CSMD3: variants seen among roughly 807,000 people sequenced by gnomAD.
The protein encoded by CSMD3 is CUB and Sushi multiple domains 3.
In CSMD3, 177 loss-of-function variants were observed where a neutral mutation model predicts 435.2. The ratio of observed to expected loss-of-function variants is 0.41; its 90% CI spans 0.36 to 0.46. The LOEUF is 0.46. Among genes scored for constraint, CSMD3 ranks in the 20% least tolerant of loss-of-function variants. The pLI is 0.34. For missense variants in CSMD3, 4,265 were observed against 4,504.6 expected (o/e 0.95, Z 1.52); for synonymous variants, 1,656 against 1,520.5 (o/e 1.09, Z -2.07).
intron 65 of CSMD3, 59 bp from the exon 66 acceptor site, chr8:112,241,844 G>A (rs1007815): frequency 0.36 from 272,192 of 763,666 alleles, 53,383 homozygotes; most frequent in African/African-American, 0.72. Flanking sequence ...ATACACATGC[G>A]CACACACACA....
intron 32 of CSMD3, among the ~76,000 whole-genome samples, chr8:112,429,824 T>C (rs141296025): frequency 6.6e-6 from 1 of 152,148 alleles, no homozygotes; most frequent in South Asian, 2.1e-4. Context: ...CTGGAATAGA[T>C]CATCAGAAAT....
In CSMD3 at chr8:112,518,077, T is replaced by C. The variant is rs565141784; in HGVS notation, c.4565-852A>G. On this transcript the variant is annotated intron_variant, in intron 27 of 70. Transcript: ENST00000297405. ...ATCCATGCAATGGAATATTACTCAG[T>C]AATAAAAAAGAATGATTCATATATA... Among the ~76,000 whole-genome samples, 4 of 152,316 alleles carry C rather than the reference T, an allele frequency of 2.6e-5. No individual in the cohort carries two copies. The East Asian group carries it at 7.7e-4, about 29-fold the overall frequency.
chr8:113,347,189 G>C (rs182577253), intron 1 of CSMD3, among the ~76,000 whole-genome samples: 2 of 152,204 alleles, frequency 1.3e-5, no homozygotes, highest in Non-Finnish European at 2.9e-5. Context: ...CATCAATAAA[G>C]TAACAGAAAG....
intron 3 of CSMD3, among the ~76,000 whole-genome samples, chr8:113,218,032 T>C (rs116833083): frequency 0.012 from 1,765 of 151,318 alleles, 34 homozygotes; most frequent in African/African-American, 0.04. Flanking sequence ...TGAAGGTATA[T>C]ATATGTTTCA....
At chr8:112,722,577 G>A (rs988570872) in intron 13 of CSMD3, among the ~76,000 whole-genome samples, 5 of 149,612 alleles carry the variant, frequency 3.3e-5, no homozygotes, top group East Asian at 1.9e-4. Flanking sequence ...GTGCGTTAGC[G>A]TGTGTGTGTG....
chr8:112,313,285 C>A (rs556936957), intron 49 of CSMD3, among the ~76,000 whole-genome samples: 1 of 152,010 alleles, frequency 6.6e-6, no homozygotes, highest in Non-Finnish European at 1.5e-5. Flanking sequence ...AAAGCAGTAG[C>A]GACAAAACGC....
chr8:113,202,670 C>T (rs971954289), intron 3 of CSMD3, among the ~76,000 whole-genome samples: 5 of 152,078 alleles, frequency 3.3e-5, no homozygotes, highest in African/African-American at 1.2e-4. Flanking sequence ...GTTTTTCCAT[C>T]ATTCTTAGAA....
At chr8:112,825,996 C>A (rs186290255) in intron 12 of CSMD3, among the ~76,000 whole-genome samples, 8 of 152,282 alleles carry the variant, frequency 5.3e-5, no homozygotes, top group Non-Finnish European at 1.0e-4. Flanking sequence ...GGGACTCAAG[C>A]CCAGGGAGAT....
chr8:112,875,280 G>A (rs2081250098), intron 10 of CSMD3, among the ~76,000 whole-genome samples: 1 of 152,160 alleles, frequency 6.6e-6, no homozygotes, highest in South Asian at 2.1e-4. Context: ...TTTCTGCAGA[G>A]AGTTCCACCG....
chr8:112,885,176 G>A (rs1400051696), intron 10 of CSMD3, among the ~76,000 whole-genome samples: 2 of 151,640 alleles, frequency 1.3e-5, no homozygotes, highest in African/African-American at 4.8e-5. Flanking sequence ...TAAGCAATCA[G>A]TAAGTGTTTA....
At chr8:113,078,853 C>T (rs1161988511) in intron 5 of CSMD3, among the ~76,000 whole-genome samples, 1 of 152,216 alleles carries the variant, frequency 6.6e-6, no homozygotes, top group South Asian at 2.1e-4. Context: ...CACAAAATAC[C>T]TTCAAAGCTA....
At chr8:113,051,794 C>A (rs2088105365) in intron 5 of CSMD3, among the ~76,000 whole-genome samples, 1 of 152,144 alleles carries the variant, frequency 6.6e-6, no homozygotes, top group African/African-American at 2.4e-5. Flanking sequence ...TAAATGTATG[C>A]TGAATTGCAT....
intron 22 of CSMD3, among the ~76,000 whole-genome samples, chr8:112,619,060 G>A (rs1002632767): frequency 5.9e-5 from 9 of 152,026 alleles, no homozygotes; most frequent in African/African-American, 1.7e-4. Flanking sequence ...GGACTGTTAT[G>A]AGGATGACAT....
At chr8:112,859,791 C>A (rs2511531) in intron 10 of CSMD3, among the ~76,000 whole-genome samples, 21,254 of 151,500 alleles carry the variant, frequency 0.14, 1,717 homozygotes, top group Middle Eastern at 0.3. Context: ...GTAATGAATT[C>A]CCACAAAAGT....
intron 3 of CSMD3, among the ~76,000 whole-genome samples, chr8:113,188,031 C>T (rs1467410710): frequency 6.6e-6 from 1 of 151,972 alleles, no homozygotes; most frequent in Non-Finnish European, 1.5e-5. Context: ...TATTTCCATT[C>T]TTCAAGATCT....
chr8:112,953,363 T>C (rs952434777), intron 8 of CSMD3, among the ~76,000 whole-genome samples: 3 of 151,520 alleles, frequency 2.0e-5, no homozygotes, highest in African/African-American at 7.2e-5. Flanking sequence ...ATGTGTTGAA[T>C]AATTTCTATA....
At chr8:113,196,648 C>A (rs905048095) in intron 3 of CSMD3, among the ~76,000 whole-genome samples, 5 of 150,962 alleles carry the variant, frequency 3.3e-5, no homozygotes, top group Non-Finnish European at 7.4e-5. Context: ...AGACTAGAGA[C>A]GACAGAAGGA....
intron 7 of CSMD3, among the ~76,000 whole-genome samples, chr8:112,963,755 G>T (rs1341729768): frequency 6.6e-6 from 1 of 151,884 alleles, no homozygotes; most frequent in African/African-American, 2.4e-5. Context: ...ATAGAAATCT[G>T]AGATGAGTTG....
At chr8:112,756,907 T>A (rs1244128003) in intron 13 of CSMD3, among the ~76,000 whole-genome samples, 5 of 151,930 alleles carry the variant, frequency 3.3e-5, no homozygotes, top group Non-Finnish European at 7.4e-5. Context: ...TAGCTGGAAC[T>A]ACAGGCACAC....
Sources: gnomAD v4.1 joint callset for allele counts (sites outside exome capture counted in the v4.1 genomes callset) on GRCh38, gnomAD v4.1.1 for gene constraint, MANE v1.5 for transcripts, NCBI Gene and HGNC (gene_info 2026-07-23, HGNC 2026-07-21) for gene names.